The following SPTBN1 variants were observed in gnomAD, a reference collection of about 807,000 sequenced individuals.
SPTBN1 encodes spectrin beta chain, non-erythrocytic 1.
A neutral mutation model predicts 266.4 loss-of-function variants in SPTBN1; 32 were observed. That is an observed-to-expected ratio of 0.12 (90% confidence interval 0.09 to 0.16). The LOEUF (loss-of-function observed/expected upper bound fraction) is 0.16. SPTBN1 is among the 10% of genes least tolerant of loss of function. The probability of loss-of-function intolerance (pLI) is 1.00; values close to 1 mark genes in which losing one functional copy is unlikely to be tolerated. For synonymous variants in SPTBN1, 1,336 were observed against 1,162.2 expected (o/e 1.15, Z -3.04); for missense variants, 2,296 against 3,067.1 (o/e 0.75, Z 5.94).
chr2:54,638,389 A>G (rs984963378), intron 18 of SPTBN1, among the ~76,000 whole-genome samples: 1 of 152,264 alleles, frequency 6.6e-6, no homozygotes, highest in African/African-American at 2.4e-5. Context: ...GATTTTCAAA[A>G]GACAAATTAG....
intron 3 of SPTBN1, among the ~76,000 whole-genome samples, chr2:54,608,090 C>A (rs147273839): frequency 6.6e-6 from 1 of 152,236 alleles, no homozygotes; most frequent in East Asian, 1.9e-4. Flanking sequence ...CAGCCTGGCC[C>A]CCTTTCCCCT....
chr2:54,463,957 G>T (rs2103810023), intron 1 of SPTBN1, among the ~76,000 whole-genome samples: 1 of 152,286 alleles, frequency 6.6e-6, no homozygotes, highest in Middle Eastern at 3.4e-3. Context: ...AATCAAGGAG[G>T]TCGATAACTG....
chr2:54,589,593 C>G lies in SPTBN1; in HGVS notation c.149-9499C>G, dbSNP rs75153967. Reference sequence around the variant, plus strand: ...ATTTACATGTGTTTTGTCCATGATGCAAGTTAAACAGTTAAGGAAACTATT... The same window carrying G: ...ATTTACATGTGTTTTGTCCATGATGGAAGTTAAACAGTTAAGGAAACTATT... On this transcript the variant is annotated intron_variant, in intron 2 of 35. Coordinates refer to ENST00000356805, the MANE Select transcript of SPTBN1 (RefSeq NM_003128.3). Among the ~76,000 whole-genome samples the G allele has an allele frequency of 3.3e-3, 498 of 152,316 alleles. 23 individuals are homozygous for G. The East Asian group carries it at 0.083, about 25-fold the overall frequency.
chr2:54,547,418 C>T (rs1225422630), intron 2 of SPTBN1, among the ~76,000 whole-genome samples: 1 of 152,164 alleles, frequency 6.6e-6, no homozygotes, highest in Non-Finnish European at 1.5e-5. Flanking sequence ...CTGCAATGAA[C>T]ATAGGAATGC....
At chr2:54,505,804 C>T (rs985934710) in intron 1 of SPTBN1, among the ~76,000 whole-genome samples, 6 of 152,132 alleles carry the variant, frequency 3.9e-5, no homozygotes, top group Non-Finnish European at 7.3e-5. Flanking sequence ...GTCAGTTTTT[C>T]TCTCTTCCAA....
At chr2:54,567,707 C>A (rs1371700496) in intron 2 of SPTBN1, among the ~76,000 whole-genome samples, 1 of 152,138 alleles carries the variant, frequency 6.6e-6, no homozygotes, top group Non-Finnish European at 1.5e-5. Flanking sequence ...CTCTCATCCA[C>A]TTCTTAAATA....
chr2:54,580,907 G>C (rs1674850330), intron 2 of SPTBN1, among the ~76,000 whole-genome samples: 1 of 152,078 alleles, frequency 6.6e-6, no homozygotes, highest in Non-Finnish European at 1.5e-5. Flanking sequence ...AAACCAGCCT[G>C]GGCAACATGT....
chr2:54,514,683 A>G (rs1447482733), intron 1 of SPTBN1, among the ~76,000 whole-genome samples: 1 of 152,228 alleles, frequency 6.6e-6, no homozygotes, highest in African/African-American at 2.4e-5. Flanking sequence ...CTAATTCTTT[A>G]GTACAGAGAA....
chr2:54,658,779 T>C lies in SPTBN1; in HGVS notation c.6244-375T>C, dbSNP rs1680842893. 1.3e-5 allele frequency among the ~76,000 whole-genome samples: 2 copies of C among 152,218 alleles called. 1 individual carries two copies. Among genetic ancestry groups the C allele is most frequent in the South Asian group, 4.1e-4 (2 of 4,830 alleles). ...GCACAAGCGGCTTCCTTGAGAATTA[T>C]TGCAGCTCTGTCCCTGGTGTTTGTC... is the stretch of plus-strand genomic sequence containing the variant. On this transcript the variant is annotated intron_variant, in intron 30 of 35. Coordinates refer to ENST00000356805, the MANE Select transcript of SPTBN1 (RefSeq NM_003128.3).
chr2:54,612,354 GT>G lies in SPTBN1; in HGVS notation c.474+22del, dbSNP rs1375490035. 1.9e-6 allele frequency: 3 copies of G among 1,599,172 alleles called. No homozygotes were observed. In the South Asian group the frequency reaches 3.4e-5, roughly 18 times the overall value. ...TTCCAGGTAAGGGTCTCTGCCCAGG[GT>G]TGCTCAGAACTTAGGCCGACCTCTC... is the stretch of plus-strand genomic sequence containing the variant. On this transcript the variant is annotated intron_variant, in intron 4 of 35. Transcript: ENST00000356805.
At chr2:54,662,128 G>A in intron 32 of SPTBN1, 1 of 985,348 alleles carries the variant, frequency 1.0e-6, no homozygotes, top group Non-Finnish European at 1.2e-6. Flanking sequence ...AGCCACTAAA[G>A]CACTCTGGAC....
intron 1 of SPTBN1, among the ~76,000 whole-genome samples, chr2:54,524,096 G>C (rs566779963): frequency 3.3e-5 from 5 of 152,302 alleles, no homozygotes; most frequent in African/African-American, 1.2e-4. Flanking sequence ...CTACTCGGGA[G>C]GCTGAGGCAG....
chr2:54,533,920 ACACACACG>A lies in SPTBN1; in HGVS notation c.148+7358_148+7365del, dbSNP rs1209613198. Among the ~76,000 whole-genome samples the A allele has an allele frequency of 5.2e-5, 7 of 134,426 alleles. No individual in the cohort carries two copies. The highest frequency in any genetic ancestry group is 4.8e-4 in the South Asian group (2 of 4,178). The allele number at this position is 134,426 out of a possible 152,430, so 88.2% of individuals were successfully genotyped here. A position where few individuals can be genotyped will look rare whatever the true frequency, so the allele number is the denominator to read the frequency against. ...CTCTCTCACACACACACACACACAC[ACACACACG>A]CACGCACGCACACAAACACACACAC... On this transcript the variant is annotated intron_variant, in intron 2 of 35. Coordinates refer to ENST00000356805, the MANE Select transcript of SPTBN1 (RefSeq NM_003128.3). The surrounding 1 kb of genome is among the most constrained non-coding windows in gnomAD (Gnocchi z 4.2).
chr2:54,508,051 T>G (rs1269123669), intron 1 of SPTBN1, among the ~76,000 whole-genome samples: 1 of 152,164 alleles, frequency 6.6e-6, no homozygotes, highest in African/African-American at 2.4e-5. Context: ...ACCTTGCCAC[T>G]GAAGATCTTC....
intron 1 of SPTBN1, among the ~76,000 whole-genome samples, chr2:54,516,956 A>G (rs6545420): frequency 0.76 from 115,947 of 152,210 alleles, 44,924 homozygotes; most frequent in African/African-American, 0.92. Context: ...TCTGATGGCA[A>G]TTGGTCGAAA....
intron 2 of SPTBN1, among the ~76,000 whole-genome samples, chr2:54,590,535 C>T (rs544381731): frequency 4.6e-5 from 7 of 152,234 alleles, no homozygotes; most frequent in Non-Finnish European, 7.4e-5. Context: ...GGACACAAGA[C>T]GTATAATAAA....
rs1420268131 is a variant in SPTBN1, at chr2:54,649,485, G to T, written c.5203-130G>T. ...AGAGGTTCTCGAGCTAAGATCTATT[G>T]TTCTGAAGTCATGAGTATTATTGGC... On this transcript the variant is annotated intron_variant, in intron 25 of 35. Transcript: ENST00000356805. This position sits in a 1 kb window ranked among gnomAD's most constrained non-coding sequence, Gnocchi z 6.7. 2 of 1,384,866 alleles carry T rather than the reference G, an allele frequency of 1.4e-6. No homozygotes were observed. The highest frequency in any genetic ancestry group is 1.9e-6 in the Non-Finnish European group (2 of 1,036,086). 85.8% of individuals were successfully genotyped at this position (1,384,866 alleles called of 1,614,324 possible). A position where few individuals can be genotyped will look rare whatever the true frequency, so the allele number is the denominator to read the frequency against.
chr2:54,539,851 A>G (rs1435468242), intron 2 of SPTBN1, among the ~76,000 whole-genome samples: 1 of 66,246 alleles, frequency 1.5e-5, no homozygotes, highest in African/African-American at 1.1e-4. Context: ...CTCTGTGTAC[A>G]TTATTGAAAA....
At chr2:54,568,937 T>C (rs1262898853) in intron 2 of SPTBN1, among the ~76,000 whole-genome samples, 1 of 152,250 alleles carries the variant, frequency 6.6e-6, no homozygotes, top group Non-Finnish European at 1.5e-5. Flanking sequence ...TTCCTGTTCT[T>C]GCAGTTGGTT....
Sources: allele counts gnomAD v4.1 joint callset (sites outside exome capture counted in the v4.1 genomes callset), GRCh38; gene constraint gnomAD v4.1.1; non-coding constraint Gnocchi (gnomAD v3.1); transcripts MANE v1.5; gene names NCBI Gene and HGNC (gene_info 2026-07-23, HGNC 2026-07-21).